The following SLK variants were observed in gnomAD, a reference collection of about 807,000 sequenced individuals.
SLK encodes STE20 like kinase.
SLK carries 67 observed loss-of-function variants against 147.7 expected under a neutral mutation model. That is an observed-to-expected ratio of 0.45 (90% confidence interval 0.37 to 0.56). The LOEUF (loss-of-function observed/expected upper bound fraction) is 0.56, where lower values mean the gene tolerates loss of function less well. Among genes scored for constraint, SLK ranks in the 20% least tolerant of loss-of-function variants. The probability of loss-of-function intolerance (pLI) is 0.00; values close to 1 mark genes in which losing one functional copy is unlikely to be tolerated. For missense variants in SLK, 1,136 were observed against 1,438.8 expected (o/e 0.79, Z 3.41); for synonymous variants, 441 against 475.0 (o/e 0.93, Z 0.93).
chr10:103,989,485 TGGAGACAGA>T (rs1844062046), intron 1 of SLK, among the ~76,000 whole-genome samples: 1 of 83,418 alleles, frequency 1.2e-5, no homozygotes, highest in Admixed American at 1.3e-4. Flanking sequence ...TTTTTTTTTT[TGGAGACAGA>T]GTCTTGCTCT....
intron 2 of SLK, among the ~76,000 whole-genome samples, chr10:103,991,367 T>C (rs959886138): frequency 6.6e-6 from 1 of 152,234 alleles, no homozygotes; most frequent in Non-Finnish European, 1.5e-5. Flanking sequence ...CAAGTAGATA[T>C]AGAAATAAAA....
In SLK at chr10:104,005,969, A is replaced by G. The variant is rs201110021; in HGVS notation, c.2538A>G (p.Gln846=). 5 of 1,612,856 alleles carry G rather than the reference A, an allele frequency of 3.1e-6. No individual in the cohort carries two copies. Among genetic ancestry groups the G allele is most frequent in the African/African-American group, 2.7e-5 (2 of 74,946 alleles). Residue 846 remains glutamine (Q), a synonymous_variant, in exon 11 of 19, where the codon CAA becomes CAG. Transcript: ENST00000369755. ...FLQKEEQRAQ[Q]QLNSKLQQQR... is the part of the protein sequence containing the mutation. ...AGAAAGAAGAGCAAAGAGCCCAACA[A>G]CAGCTCAATAGCAAACTACAGCAAC...
chr10:104,010,693 A>C, intron 12 of SLK, 123 bp from the exon 13 acceptor site: 2 of 514,302 alleles, frequency 3.9e-6, no homozygotes, highest in Non-Finnish European at 6.8e-6. Flanking sequence ...CACCTATGCT[A>C]ATGCATGTTG....
Position 104,018,834 on chromosome 10 carries a change from C to T in SLK, c.3058C>T (p.His1020Tyr). The change falls in exon 15 of 19, where the codon CAC becomes TAC. Residue 1020 changes from histidine to tyrosine, a missense_variant. His to Tyr is a moderately conservative substitution (Grantham distance 83, BLOSUM62 2). This residue lies in a region of SLK where 327 missense variants were observed against 457.5 expected (regional missense o/e 0.71). Transcript: ENST00000369755. ...CGAAGAACGACACTTACAAGAAAAACACCAGCTGCTCAAACAGCAGCTTAA... is the reference window on the plus strand; with the variant it reads ...CGAAGAACGACACTTACAAGAAAAATACCAGCTGCTCAAACAGCAGCTTAA... ...ELEERHLQEK[H>Y]QLLKQQLKDQ... 6.2e-7 allele frequency: 1 copy of T among 1,613,256 alleles called. No homozygotes were observed. The highest frequency in any genetic ancestry group is 8.5e-7 in the Non-Finnish European group (1 of 1,179,656).
chr10:104,024,703 T>C (rs1844575777), intron 18 of SLK, among the ~76,000 whole-genome samples: 1 of 152,212 alleles, frequency 6.6e-6, no homozygotes, highest in African/African-American at 2.4e-5. Flanking sequence ...ACAGCACCAC[T>C]TATCCCTGAA....
At chr10:103,968,388 A>G (rs1377584636) in intron 1 of SLK, among the ~76,000 whole-genome samples, 1 of 152,202 alleles carries the variant, frequency 6.6e-6, no homozygotes, top group African/African-American at 2.4e-5. Flanking sequence ...TCTCTTCTTG[A>G]GTTAGTTGCT....
chr10:104,007,403 C>T (rs560025373), intron 11 of SLK, among the ~76,000 whole-genome samples: 13 of 151,984 alleles, frequency 8.6e-5, no homozygotes, highest in Non-Finnish European at 1.3e-4. Flanking sequence ...GGCAGGAGTT[C>T]GAGACCAACC....
chr10:104,021,017 T>C (rs905120166), intron 17 of SLK, among the ~76,000 whole-genome samples: 2 of 152,230 alleles, frequency 1.3e-5, no homozygotes, highest in African/African-American at 4.8e-5. Context: ...TATTTTCTTC[T>C]AGGTTTTTGA....
At position 104,025,440 on chromosome 10, in the gene SLK, A is replaced by G. The variant is rs140881991; in HGVS notation, c.3562-134A>G. ...TGTACAAAGCTTATGATCTTAAAAA[A>G]TTGAGCAGGCGTGTCTTCTTGAGGA... On this transcript the variant is annotated intron_variant, in intron 18 of 18. Transcript: ENST00000369755. The G allele has an allele frequency of 5.1e-6, 4 of 778,914 alleles. No homozygotes were observed. The East Asian group carries it at 1.1e-4, about 21-fold the overall frequency. 48.3% of individuals were successfully genotyped at this position (778,914 alleles called of 1,614,324 possible).
intron 11 of SLK, among the ~76,000 whole-genome samples, chr10:104,006,627 T>A (rs1844329216): frequency 6.6e-6 from 1 of 152,196 alleles, no homozygotes; most frequent in Non-Finnish European, 1.5e-5. Context: ...AATATAAAAT[T>A]TTTGTAATTT....
intron 1 of SLK, among the ~76,000 whole-genome samples, chr10:103,987,874 TAGAGGAGGCAAAAC>T (rs532942452): frequency 6.6e-5 from 10 of 152,172 alleles, no homozygotes; most frequent in Non-Finnish European, 1.5e-4. Flanking sequence ...GGAAAGGGTA[TAGAGGAGGCAAAAC>T]TTTGCCTCCA....
At chr10:103,976,721 C>A (rs805667) in intron 1 of SLK, among the ~76,000 whole-genome samples, 119,604 of 152,068 alleles carry the variant, frequency 0.79, 47,407 homozygotes, top group East Asian at 0.9. Context: ...TGTCACCCCC[C>A]GAAAGTTCTC....
intron 9 of SLK, among the ~76,000 whole-genome samples, chr10:104,003,939 C>T (rs1368472319): frequency 2.0e-5 from 3 of 152,202 alleles, no homozygotes; most frequent in Non-Finnish European, 2.9e-5. Context: ...GACATTGCTA[C>T]TGCCATGAGA....
intron 4 of SLK, among the ~76,000 whole-genome samples, chr10:103,998,574 G>T (rs17814732): frequency 0.48 from 73,059 of 151,916 alleles, 18,948 homozygotes; most frequent in East Asian, 0.72. Flanking sequence ...GTGCCACATA[G>T]CACTAGTTGG....
intron 1 of SLK, among the ~76,000 whole-genome samples, chr10:103,990,059 C>T (rs909054208): frequency 5.3e-5 from 8 of 152,080 alleles, no homozygotes; most frequent in Admixed American, 4.6e-4. Flanking sequence ...ATACATATTA[C>T]TAAGTGAAAG....
intron 9 of SLK, among the ~76,000 whole-genome samples, chr10:104,004,140 C>T (rs1040901916): frequency 6.6e-6 from 1 of 152,066 alleles, no homozygotes; most frequent in African/African-American, 2.4e-5. Context: ...TGGGCTGCCC[C>T]TTGGAAAATA....
chr10:104,011,229 G>A (rs1486577778), intron 13 of SLK, among the ~76,000 whole-genome samples: 2 of 152,152 alleles, frequency 1.3e-5, no homozygotes, highest in Non-Finnish European at 2.9e-5. Context: ...GCCAATGTTT[G>A]TTAGAAAACT....
At chr10:103,978,598 T>C (rs1346748126) in intron 1 of SLK, among the ~76,000 whole-genome samples, 1 of 152,200 alleles carries the variant, frequency 6.6e-6, no homozygotes, top group Non-Finnish European at 1.5e-5. Flanking sequence ...AAGTAGTTTT[T>C]AAGTGATAAT....
intron 13 of SLK, among the ~76,000 whole-genome samples, chr10:104,017,241 T>G (rs1057129241): frequency 1.3e-5 from 2 of 152,246 alleles, no homozygotes; most frequent in Non-Finnish European, 2.9e-5. Flanking sequence ...CAAATTTTCT[T>G]GATAGATTTA....
Sources: allele counts gnomAD v4.1 joint callset (sites outside exome capture counted in the v4.1 genomes callset), GRCh38; gene constraint gnomAD v4.1.1; regional missense constraint gnomAD v4.1.1; transcripts MANE v1.5; gene names NCBI Gene and HGNC (gene_info 2026-07-23, HGNC 2026-07-21).